ABTB1: variants seen among roughly 807,000 people sequenced by gnomAD.
ABTB1 encodes the protein ankyrin repeat and BTB domain containing 1, also known as ankyrin repeat and BTB/POZ domain-containing protein 1.
ABTB1 carries 45 observed loss-of-function variants against 57.1 expected under a neutral mutation model. The ratio of observed to expected loss-of-function variants is 0.79; its 90% CI spans 0.62 to 1.01. ABTB1 has a LOEUF of 1.01. ABTB1 is among the 50% of genes least tolerant of loss of function. The probability of loss-of-function intolerance (pLI) is 0.00; values close to 1 mark genes in which losing one functional copy is unlikely to be tolerated. For synonymous variants in ABTB1, 302 were observed against 275.4 expected, an observed-to-expected ratio of 1.10 and a Z score of -0.95; for missense variants, 630 against 666.3, an observed-to-expected ratio of 0.95 and a Z score of 0.60.
chr3:127,675,920 A>AT lies in ABTB1; in HGVS notation c.176-47dup, dbSNP rs144560939. 8.4e-3 allele frequency: 13,337 copies of AT among 1,582,278 alleles called. 351 individuals are homozygous for AT. In the East Asian group the frequency reaches 0.096, roughly 11 times the overall value. On this transcript the variant is annotated intron_variant, in intron 3 of 11. Transcript: ENST00000232744. ...GGGGAGGAGGGACAGGGAGATTAGA[A>AT]TTTCCCCCAGGCCCCTTCCCTGCTA...
At chr3:127,677,419 T>G (rs780571934) in intron 8 of ABTB1, 46 bp from the exon 9 acceptor site, 2 of 1,597,376 alleles carry the variant, frequency 1.3e-6, no homozygotes, top group Non-Finnish European at 1.7e-6. Context: ...AGTCGTTCAC[T>G]TCTGTGAACA....
Position 127,676,572 on chromosome 3 carries a change from C to G in ABTB1, c.517C>G (p.Leu173Val). 2 of 1,613,910 alleles carry G rather than the reference C, an allele frequency of 1.2e-6. No homozygotes were observed. Among genetic ancestry groups the G allele is most frequent in the South Asian group, 1.1e-5 (1 of 91,064 alleles). The part of the protein sequence containing the change: ...PVAFGALLQY[L>V]YTGRLDIGVE... Reference sequence around the variant, plus strand: ...GGCCTTTGGGGCCCTGCTGCAGTACCTGTACACAGGTGACCCCCTGGGTCC... The same window carrying G: ...GGCCTTTGGGGCCCTGCTGCAGTACGTGTACACAGGTGACCCCCTGGGTCC... Residue 173 changes from leucine to valine, a missense_variant, in exon 6 of 12, where the codon CTG (leucine) becomes GTG (valine). Leu to Val is a conservative substitution (Grantham distance 32). This residue lies in a region of ABTB1 where 579 missense variants were observed against 585.9 expected (regional missense o/e 0.99). Coordinates refer to ENST00000232744, the MANE Select transcript of ABTB1 (RefSeq NM_172027.3). The surrounding 1 kb of genome is among the most constrained non-coding windows in gnomAD (Gnocchi z 5.4).
chr3:127,673,114 G>A lies in ABTB1; in HGVS notation c.56+33G>A, dbSNP rs376216942. 5,184 of 1,509,710 alleles carry A rather than the reference G, an allele frequency of 3.4e-3. 12 individuals are homozygous for A. The highest frequency in any genetic ancestry group is 4.2e-3 in the Non-Finnish European group (4,749 of 1,126,858). 93.5% of individuals were successfully genotyped at this position (1,509,710 alleles called of 1,614,324 possible). A position where few individuals can be genotyped will look rare whatever the true frequency, so the allele number is the denominator to read the frequency against. On this transcript the variant is annotated intron_variant, in intron 1 of 11. Coordinates refer to ENST00000232744, the MANE Select transcript of ABTB1 (RefSeq NM_172027.3). Reference sequence around the variant, plus strand: ...CCTCGCAGTCCCGGGGAGGGTGCGGGAGGTGGCCGCCCTCGGAACGCCTCG... The same window carrying A: ...CCTCGCAGTCCCGGGGAGGGTGCGGAAGGTGGCCGCCCTCGGAACGCCTCG...
Position 127,680,125 on chromosome 3 carries a change from C to T in ABTB1, c.1170C>T (p.Leu390=), listed in dbSNP as rs1342586759. Residue 390 remains leucine, a synonymous_variant, in exon 11 of 12, where the codon CTC becomes CTT. Coordinates refer to ENST00000232744, the MANE Select transcript of ABTB1 (RefSeq NM_172027.3). ...TGGGTGTGTGGCGCGTGGCCAAGCT[C>T]TTCCGCCTGGCGCGGCTTGAGGACC... ...TVVGVWRVAK[L]FRLARLEDQC... 5 of 1,613,862 alleles carry T rather than the reference C, an allele frequency of 3.1e-6. No homozygotes were observed. The highest frequency in any genetic ancestry group is 2.5e-6 in the Non-Finnish European group (3 of 1,180,042).
Position 127,680,760 on chromosome 3 carries a change from T to C in ABTB1, c.*285T>C. The C allele has an allele frequency of 3.0e-6, 2 of 667,796 alleles. No individual in the cohort carries two copies. The highest frequency in any genetic ancestry group is 5.3e-6 in the Non-Finnish European group (2 of 374,544). 41.4% of individuals were successfully genotyped at this position (667,796 alleles called of 1,614,324 possible). ...GGGGTGGGCTTTGGTCTTAGCACTTTCCTTCTCCAGATCCCCCCTACCCAC... is the reference window on the plus strand; with the variant it reads ...GGGGTGGGCTTTGGTCTTAGCACTTCCCTTCTCCAGATCCCCCCTACCCAC... On this transcript the variant is annotated 3_prime_UTR_variant, in exon 12 of 12. Transcript: ENST00000232744.
At position 127,676,792 on chromosome 3, in the gene ABTB1, C is replaced by A; in HGVS notation, c.527-175C>A. ...GTCCCACCCACATGCTGAGGCCCTC[C>A]CATCTGTTCCCTGGGGCCTGTAGAA... On this transcript the variant is annotated intron_variant, in intron 6 of 11. Coordinates refer to ENST00000232744, the MANE Select transcript of ABTB1 (RefSeq NM_172027.3). The surrounding 1 kb of genome is among the most constrained non-coding windows in gnomAD (Gnocchi z 5.4). 1.2e-6 allele frequency: 1 copy of A among 820,664 alleles called. No individual in the cohort carries two copies. 50.8% of individuals were successfully genotyped at this position (820,664 alleles called of 1,614,324 possible). A position where few individuals can be genotyped will look rare whatever the true frequency, so the allele number is the denominator to read the frequency against.
rs750482173 is a variant in ABTB1 at position 127,677,233 on chromosome 3, C to T, written c.709C>T (p.Leu237Phe). 24 of 1,604,750 alleles carry T rather than the reference C, an allele frequency of 1.5e-5. No individual in the cohort carries two copies. The highest frequency in any genetic ancestry group is 4.4e-5 in the South Asian group (4 of 90,054). Reference protein sequence around the residue: ...TIEPPPADPRLREDMALLADC... With the variant: ...TIEPPPADPRFREDMALLADC... ...CGAGCCCCCACCTGCAGACCCCCGC[C>T]TCCGGGAGGACATGGCGCTGCTGGC... The change falls in exon 8 of 12, where the codon CTC becomes TTC. Residue 237 changes from leucine (L) to phenylalanine (F), a missense_variant. Physicochemically the swap from Leu to Phe is conservative, Grantham distance 22 (BLOSUM62 0). Transcript: ENST00000232744.
At chr3:127,674,751 C>T (rs1425072501) in intron 3 of ABTB1, 151 bp downstream of exon 3, 1 of 926,790 alleles carries the variant, frequency 1.1e-6, no homozygotes, top group Non-Finnish European at 1.7e-6. Flanking sequence ...TCAGCAAGTA[C>T]TATTATTGCT....
At chr3:127,674,883 C>T (rs2074942226) in intron 3 of ABTB1, among the ~76,000 whole-genome samples, 1 of 152,246 alleles carries the variant, frequency 6.6e-6, no homozygotes, top group Admixed American at 6.5e-5. Flanking sequence ...CCAAGTTGAT[C>T]TTTTCACAAT....
intron 3 of ABTB1, chr3:127,675,617 G>A (rs1327546307): frequency 3.4e-6 from 1 of 290,940 alleles, no homozygotes. Context: ...TTAGGTAGTG[G>A]GTTGATTGTC....
Position 127,677,741 on chromosome 3 carries a change from G to C in ABTB1, c.927G>C (p.Glu309Asp). ...ALLDDHFRES[E>D]EPATSGGPPA... ...TGGATGACCACTTCCGAGAGAGCGAGGAGCCAGCGACCTCAGGGGGCCCCC... is the reference window on the plus strand; with the variant it reads ...TGGATGACCACTTCCGAGAGAGCGACGAGCCAGCGACCTCAGGGGGCCCCC... Residue 309 changes from glutamate (E) to aspartate (D), a missense_variant, in exon 10 of 12, where the codon GAG (glutamate) becomes GAC (aspartate). Glu to Asp is a conservative substitution (Grantham distance 45, BLOSUM62 2). Transcript: ENST00000232744. 6.2e-7 allele frequency: 1 copy of C among 1,611,002 alleles called. No individual in the cohort carries two copies. Among genetic ancestry groups the C allele is most frequent in the Non-Finnish European group, 8.5e-7 (1 of 1,178,808 alleles).
chr3:127,674,849 C>A (rs2074941476), intron 3 of ABTB1, among the ~76,000 whole-genome samples: 1 of 152,254 alleles, frequency 6.6e-6, no homozygotes, highest in Admixed American at 6.5e-5. Flanking sequence ...GGACACGGTG[C>A]CTGCCTCTCT....
intron 10 of ABTB1, 180 bp from the exon 11 acceptor site, chr3:127,679,805 C>T (rs1269221418): frequency 1.8e-6 from 1 of 570,274 alleles, no homozygotes; most frequent in Non-Finnish European, 3.2e-6. Context: ...CTGCAGATCC[C>T]TGTGGGAATC....
At position 127,677,009 on chromosome 3, in the gene ABTB1, G is replaced by T. The variant is rs776595322; in HGVS notation, c.569G>T (p.Arg190Leu). The T allele has an allele frequency of 6.2e-7, 1 of 1,614,024 alleles. No homozygotes were observed. Among genetic ancestry groups the T allele is most frequent in the South Asian group, 1.1e-5 (1 of 91,072 alleles). The change falls in exon 7 of 12, where the codon CGC becomes CTC. Residue 190 changes from arginine to leucine, a missense_variant. Arg to Leu is a moderately radical substitution (Grantham distance 102). This residue lies in a region of ABTB1 where 579 missense variants were observed against 585.9 expected (regional missense o/e 0.99). Coordinates refer to ENST00000232744, the MANE Select transcript of ABTB1 (RefSeq NM_172027.3). ...IGVEHVSDCERLAKQCQLWDL... is the reference protein window; with the variant it reads ...IGVEHVSDCELLAKQCQLWDL... The stretch of plus-strand genomic sequence containing the variant: ...GTAGAGCATGTGAGTGACTGTGAGC[G>T]CCTGGCCAAGCAATGCCAGCTGTGG...
chr3:127,677,650 C>T (rs2075017988), intron 9 of ABTB1, 26 bp from the exon 10 acceptor site: 7 of 1,612,154 alleles, frequency 4.3e-6, no homozygotes, highest in Non-Finnish European at 5.9e-6. Flanking sequence ...CTGGCCCTCA[C>T]ACTTCCTGAG....
rs975785412 is a variant in ABTB1 at position 127,676,584 on chromosome 3, G to C, written c.526+3G>C. ...CCTGCTGCAGTACCTGTACACAGGTGACCCCCTGGGTCCAGGGTAGGAGGA... is the reference window on the plus strand; with the variant it reads ...CCTGCTGCAGTACCTGTACACAGGTCACCCCCTGGGTCCAGGGTAGGAGGA... On this transcript the variant is annotated splice_donor_region_variant and intron_variant, in intron 6 of 11. Coordinates refer to ENST00000232744, the MANE Select transcript of ABTB1 (RefSeq NM_172027.3). This position sits in a 1 kb window ranked among gnomAD's most constrained non-coding sequence, Gnocchi z 5.4. 6.2e-7 allele frequency: 1 copy of C among 1,613,540 alleles called. No homozygotes were observed. Among genetic ancestry groups the C allele is most frequent in the African/African-American group, 1.3e-5 (1 of 74,902 alleles).
At position 127,676,315 on chromosome 3, in the gene ABTB1, C is replaced by T. The variant is rs1477881757; in HGVS notation, c.364C>T (p.His122Tyr). 1 of 1,614,070 alleles carries T rather than the reference C, an allele frequency of 6.2e-7. No homozygotes were observed. Among genetic ancestry groups the T allele is most frequent in the East Asian group, 2.2e-5 (1 of 44,874 alleles). The part of the protein sequence containing the change: ...GIHSDVVFVV[H>Y]GKPFRVHRCV... ...CCACAGTGACGTGGTCTTTGTAGTA[C>T]ACGGGAAGCCATTCCGGGTGCATCG... Residue 122 changes from histidine (H) to tyrosine (Y), a missense_variant, in exon 5 of 12, where the codon CAC (histidine) becomes TAC (tyrosine). Coordinates refer to ENST00000232744, the MANE Select transcript of ABTB1 (RefSeq NM_172027.3). This position sits in a 1 kb window ranked among gnomAD's most constrained non-coding sequence, Gnocchi z 5.4.
intron 10 of ABTB1, chr3:127,679,701 G>C: frequency 1.8e-6 from 1 of 564,314 alleles, no homozygotes; most frequent in Non-Finnish European, 3.4e-6. Flanking sequence ...TCGGAGCTCA[G>C]ACCCTGGCTC....
rs763092125 is a variant in ABTB1 at position 127,676,414 on chromosome 3, G to T, written c.463G>T (p.Val155Phe). Reference sequence around the variant, plus strand: ...CAAATGGAAGGGCAAGAGTGTCGTGGTTCTCAGGCACCCACTGGTATGTCC... The same window carrying T: ...CAAATGGAAGGGCAAGAGTGTCGTGTTTCTCAGGCACCCACTGGTATGTCC... ...DTKWKGKSVVVLRHPLINPVA... is the reference protein window; with the variant it reads ...DTKWKGKSVVFLRHPLINPVA... Residue 155 changes from valine (V) to phenylalanine (F), a missense_variant, in exon 5 of 12, where the codon GTT becomes TTT. Physicochemically the swap from Val to Phe is conservative, Grantham distance 50 (BLOSUM62 -1). Transcript: ENST00000232744. This position sits in a 1 kb window ranked among gnomAD's most constrained non-coding sequence, Gnocchi z 5.4. 1 of 1,613,960 alleles carries T rather than the reference G, an allele frequency of 6.2e-7. No homozygotes were observed. Among genetic ancestry groups the T allele is most frequent in the Non-Finnish European group, 8.5e-7 (1 of 1,179,972 alleles).
Sources: allele counts gnomAD v4.1 joint callset (sites outside exome capture counted in the v4.1 genomes callset), GRCh38; gene constraint gnomAD v4.1.1; regional missense constraint gnomAD v4.1.1; non-coding constraint Gnocchi (gnomAD v3.1); transcripts MANE v1.5; gene names NCBI Gene and HGNC (gene_info 2026-07-23, HGNC 2026-07-21).